CREB5: variants seen among roughly 807,000 people sequenced by gnomAD.
The protein encoded by CREB5 is cyclic AMP-responsive element-binding protein 5.
Under a neutral mutation model 57.1 loss-of-function variants are expected in CREB5, and 19 were observed. That is an observed-to-expected ratio of 0.33 (90% CI 0.23 to 0.49). The LOEUF is 0.49. Among genes scored for constraint, CREB5 ranks in the 20% least tolerant of loss-of-function variants. CREB5 has a pLI of 0.99. For missense variants in CREB5, 579 were observed against 671.6 expected, an observed-to-expected ratio of 0.86 and a Z score of 1.52; for synonymous variants, 238 against 238.3, an observed-to-expected ratio of 1.00 and a Z score of 0.01.
intron 3 of CREB5, among the ~76,000 whole-genome samples, chr7:28,499,957 T>TGTTGCTATAGGCAA (rs1792209688): frequency 6.6e-6 from 1 of 152,152 alleles, no homozygotes; most frequent in Non-Finnish European, 1.5e-5. Flanking sequence ...AGGCAACTGG[T>TGTTGCTATAGGCAA]CTGTGCTTGG....
chr7:28,560,891 T>TGCGTGCGTGTGCGTGC (rs1314317818), intron 4 of CREB5, among the ~76,000 whole-genome samples: 2 of 19,726 alleles, frequency 1.0e-4, no homozygotes, highest in Non-Finnish European at 1.9e-4. Flanking sequence ...TGCGTGCGTG[T>TGCGTGCGTGTGCGTGC]GTGTGCGTGC....
chr7:28,467,627 G>A (rs1472569377), intron 1 of CREB5, among the ~76,000 whole-genome samples: 3 of 152,178 alleles, frequency 2.0e-5, no homozygotes, highest in African/African-American at 7.2e-5. Context: ...AGAAAGAGAA[G>A]TTGCTGTTGT....
intron 1 of CREB5, among the ~76,000 whole-genome samples, chr7:28,399,962 G>T (rs1201271000): frequency 6.6e-6 from 1 of 152,112 alleles, no homozygotes; most frequent in Non-Finnish European, 1.5e-5. Context: ...GGAGGCTGAG[G>T]CAGGAGAATC....
chr7:28,333,030 T>C (rs1164859946), intron 1 of CREB5, among the ~76,000 whole-genome samples: 1 of 152,214 alleles, frequency 6.6e-6, no homozygotes, highest in Non-Finnish European at 1.5e-5. Flanking sequence ...AGTGGCTACT[T>C]TCTTTTGATA....
chr7:28,334,330 T>A (rs529960952), intron 1 of CREB5, among the ~76,000 whole-genome samples: 2 of 152,264 alleles, frequency 1.3e-5, no homozygotes, highest in Admixed American at 1.3e-4. Context: ...TAATTTTTTG[T>A]ATATTTAGTA....
In CREB5 at chr7:28,814,977, A is replaced by C. The variant is rs939599326; in HGVS notation, c.1255-3094A>C. 3.0e-4 allele frequency among the ~76,000 whole-genome samples: 46 copies of C among 152,232 alleles called. 1 individual carries two copies. Among genetic ancestry groups the C allele is most frequent in the Non-Finnish European group, 7.3e-5 (5 of 68,040 alleles). ...AAATAAGTATTAACATGTTACATTA[A>C]GAAATATGTCCTGCCAGGCACAGTG... is the stretch of plus-strand genomic sequence containing the variant. On this transcript the variant is annotated intron_variant, in intron 9 of 10. Coordinates refer to ENST00000357727, the MANE Select transcript of CREB5 (RefSeq NM_182898.4).
At chr7:28,431,699 C>A (rs1410613021) in intron 1 of CREB5, among the ~76,000 whole-genome samples, 3 of 152,148 alleles carry the variant, frequency 2.0e-5, no homozygotes, top group Admixed American at 6.5e-5. Context: ...TTTTGACCCA[C>A]ACCTGAAAAC....
chr7:28,392,982 T>C (rs1197420194), intron 1 of CREB5, among the ~76,000 whole-genome samples: 5 of 152,018 alleles, frequency 3.3e-5, no homozygotes, highest in African/African-American at 4.8e-5. Context: ...TGGAGGGCCA[T>C]GGTGTGATCT....
chr7:28,810,614 T>A (rs1351514545), intron 9 of CREB5, among the ~76,000 whole-genome samples: 1 of 152,134 alleles, frequency 6.6e-6, no homozygotes, highest in African/African-American at 2.4e-5. Flanking sequence ...GAGAATGGCT[T>A]GAATGCAGGA....
At chr7:28,599,612 A>G (rs2128669017) in intron 5 of CREB5, among the ~76,000 whole-genome samples, 1 of 152,352 alleles carries the variant, frequency 6.6e-6, no homozygotes, top group African/African-American at 2.4e-5. Context: ...CCCTATGTGT[A>G]TAATAAAGAC....
intron 5 of CREB5, among the ~76,000 whole-genome samples, chr7:28,673,617 T>C (rs16874649): frequency 0.019 from 2,777 of 146,262 alleles, 80 homozygotes; most frequent in African/African-American, 0.066. Context: ...TGGTAATGAA[T>C]AAAGCAGAGC....
chr7:28,320,282 T>C lies in CREB5; in HGVS notation c.-25+20841T>C, dbSNP rs73291255. Among the ~76,000 whole-genome samples the C allele has an allele frequency of 6.7e-3, 1,023 of 151,990 alleles. 21 individuals carry two copies. Among genetic ancestry groups the C allele is most frequent in the African/African-American group, 0.024 (986 of 41,458 alleles). ...AATCCCATGTAGTCGGCACAAATTA[T>C]AAAGTGTGTAAATGACTGGTGAAAA... On this transcript the variant is annotated intron_variant, in intron 1 of 9. Transcript: ENST00000396299.
intron 1 of CREB5, among the ~76,000 whole-genome samples, chr7:28,319,213 T>C (rs190558687): frequency 1.3e-5 from 2 of 152,006 alleles, no homozygotes. Flanking sequence ...CCATATTACA[T>C]GGCCTGTATA....
At chr7:28,539,080 T>C (rs1188930404) in intron 4 of CREB5, among the ~76,000 whole-genome samples, 3 of 152,254 alleles carry the variant, frequency 2.0e-5, no homozygotes, top group Non-Finnish European at 4.4e-5. Flanking sequence ...GGAAAGTTAT[T>C]GCATACATCA....
In CREB5 at chr7:28,458,967, G is replaced by C. The variant is rs755205884; in HGVS notation, c.4-29208G>C. 4.6e-4 allele frequency among the ~76,000 whole-genome samples: 70 copies of C among 152,300 alleles called. 1 individual carries two copies. The highest frequency in any genetic ancestry group is 9.4e-4 in the Non-Finnish European group (64 of 68,028). ...GCCTGTATTGCTCCCTGAGTGATGA[G>C]ATTCTTGCTGATGTAATGGGCTGGG... On this transcript the variant is annotated intron_variant, in intron 1 of 10. Coordinates refer to ENST00000357727, the MANE Select transcript of CREB5 (RefSeq NM_182898.4).
At chr7:28,563,605 A>G (rs959591058) in intron 4 of CREB5, among the ~76,000 whole-genome samples, 2 of 152,230 alleles carry the variant, frequency 1.3e-5, no homozygotes, top group African/African-American at 4.8e-5. Context: ...GGCTCACTGC[A>G]GCCCCAACCT....
At chr7:28,534,718 C>T (rs1793885169) in intron 4 of CREB5, among the ~76,000 whole-genome samples, 1 of 103,352 alleles carries the variant, frequency 9.7e-6, no homozygotes, top group Non-Finnish European at 2.3e-5. Flanking sequence ...ACACCATCTG[C>T]ATCATCATCT....
chr7:28,757,676 A>T (rs879273566), intron 7 of CREB5, among the ~76,000 whole-genome samples: 2 of 151,992 alleles, frequency 1.3e-5, no homozygotes, highest in Non-Finnish European at 2.9e-5. Flanking sequence ...CGTCTCAAAA[A>T]AAAAAAAAAA....
chr7:28,793,303 A>T (rs1311751732), intron 7 of CREB5, among the ~76,000 whole-genome samples: 1 of 152,192 alleles, frequency 6.6e-6, no homozygotes, highest in Non-Finnish European at 1.5e-5. Context: ...AGCCTCAGAT[A>T]TGGATACCAA....
Sources: gnomAD v4.1 joint callset for allele counts (sites outside exome capture counted in the v4.1 genomes callset) on GRCh38, gnomAD v4.1.1 for gene constraint, MANE v1.5 for transcripts, NCBI Gene and HGNC (gene_info 2026-07-23, HGNC 2026-07-21) for gene names.